SUPT7L: variants seen among roughly 807,000 people sequenced by gnomAD.
SUPT7L encodes the protein SPT7 like, STAGA complex subunit gamma, also known as STAGA complex 65 subunit gamma.
In SUPT7L, 15 loss-of-function variants were observed where a neutral mutation model predicts 35.7. The ratio of observed to expected loss-of-function variants is 0.42; its 90% CI spans 0.28 to 0.65. The LOEUF (loss-of-function observed/expected upper bound fraction) is 0.65, where lower values mean the gene tolerates loss of function less well. Among genes scored for constraint, SUPT7L ranks in the 30% least tolerant of loss-of-function variants. The pLI is 0.23. For synonymous variants in SUPT7L, 168 were observed against 186.2 expected, an observed-to-expected ratio of 0.90 and a Z score of 0.79; for missense variants, 434 against 522.2, an observed-to-expected ratio of 0.83 and a Z score of 1.65.
chr2:27,661,058 G>A lies in SUPT7L; in HGVS notation c.345C>T (p.Leu115=), dbSNP rs768557140. 1 of 1,614,158 alleles carries A rather than the reference G, an allele frequency of 6.2e-7. No individual in the cohort carries two copies. Among genetic ancestry groups the A allele is most frequent in the East Asian group, 2.2e-5 (1 of 44,892 alleles). ...TGGGATTCTTACAATCTAAAGGCAGGAGGTCATCAGGGAGAGGAGGTGACC... is the reference window on the plus strand; with the variant it reads ...TGGGATTCTTACAATCTAAAGGCAGAAGGTCATCAGGGAGAGGAGGTGACC... ...CPGSPPLPDD[L]LPLDCKNPNA... Residue 115 remains leucine (L), a synonymous_variant, in exon 3 of 6, where the codon CTC becomes CTT. Coordinates refer to ENST00000337768, the MANE Select transcript of SUPT7L (RefSeq NM_014860.3).
chr2:27,650,251 C>G (rs769466276), downstream of SUPT7L: 1 of 1,062,778 alleles, frequency 9.4e-7, no homozygotes, highest in South Asian at 1.3e-5. Context: ...TTTTGGACCT[C>G]CACGTGAAAG....
downstream of SUPT7L, among the ~76,000 whole-genome samples, chr2:27,649,253 A>C (rs1200759200): frequency 6.8e-6 from 1 of 147,338 alleles, no homozygotes; most frequent in East Asian, 2.0e-4. Flanking sequence ...CTCAAAAAAC[A>C]AACAAACAAA....
chr2:27,661,203 A>G lies in SUPT7L; in HGVS notation c.200T>C (p.Ile67Thr). 1 of 1,614,048 alleles carries G rather than the reference A, an allele frequency of 6.2e-7. No individual in the cohort carries two copies. Among genetic ancestry groups the G allele is most frequent in the African/African-American group, 1.3e-5 (1 of 75,018 alleles). ...SEPCSLTIHT[I>T]QLIQHNRRLR... ...ACGTCGGTTGTGCTGAATCAACTGA[A>G]TCGTATGGATGGTGAGACTACATGG... Residue 67 changes from isoleucine to threonine, a missense_variant, in exon 3 of 6, where the codon ATT becomes ACT. By Grantham distance (89) the Ile-to-Thr change is moderately conservative. Transcript: ENST00000337768.
At chr2:27,661,618 A>G (rs1230754376) in intron 2 of SUPT7L, 2 of 1,384,976 alleles carry the variant, frequency 1.4e-6, no homozygotes, top group Non-Finnish European at 1.9e-6. Context: ...AAATTAAGAG[A>G]AATGTAACTG....
At chr2:27,650,756 G>A (rs982752987), downstream of SUPT7L, 2 of 152,720 alleles carry the variant, frequency 1.3e-5, no homozygotes, top group Non-Finnish European at 2.9e-5. Flanking sequence ...ATTATAGGAC[G>A]TCAGGTTTGT....
At chr2:27,642,990 C>CACACACACACACAT in the SUPT7L span, among the ~76,000 whole-genome samples, 1 of 150,810 alleles carries the variant, frequency 6.6e-6, no homozygotes, top group Non-Finnish European at 1.5e-5. Context: ...CACACACACA[C>CACACACACACACAT]ACACATACAT....
rs767708201 is a variant in SUPT7L, at chr2:27,650,983, A to C, written c.*2502T>G. 5.2e-5 allele frequency: 8 copies of C among 152,528 alleles called. No individual in the cohort carries two copies. Among genetic ancestry groups the C allele is most frequent in the African/African-American group, 1.4e-4 (6 of 41,442 alleles). 9.4% of individuals were successfully genotyped at this position (152,528 alleles called of 1,614,324 possible). ...CAATAAGGAGGTGATATTTTACTAAAGTTTCCCACGTGCACATACTGACTA... is the reference window on the plus strand; with the variant it reads ...CAATAAGGAGGTGATATTTTACTAACGTTTCCCACGTGCACATACTGACTA... On this transcript the variant is annotated 3_prime_UTR_variant, in exon 6 of 6. Transcript: ENST00000337768.
downstream of SUPT7L, among the ~76,000 whole-genome samples, chr2:27,647,622 G>A (rs1436499196): frequency 6.6e-6 from 1 of 152,172 alleles, no homozygotes; most frequent in Non-Finnish European, 1.5e-5. Flanking sequence ...AAAAAAATGG[G>A]ACTCCTAGGG....
chr2:27,660,906 G>A, intron 3 of SUPT7L, 78 bp downstream of exon 3: 2 of 1,468,712 alleles, frequency 1.4e-6, no homozygotes, highest in South Asian at 2.8e-5. Context: ...CATGAAAATG[G>A]AAATGCTATT....
intron 5 of SUPT7L, 101 bp from the exon 6 acceptor site, chr2:27,653,848 A>G: frequency 2.8e-6 from 4 of 1,436,048 alleles, no homozygotes; most frequent in Non-Finnish European, 3.8e-6. Flanking sequence ...ATATGCTTTG[A>G]GCTCAGTTTT....
At chr2:27,662,094 C>A (rs1006852411) in intron 2 of SUPT7L, 85 bp downstream of exon 2, 32 of 1,592,510 alleles carry the variant, frequency 2.0e-5, no homozygotes, top group Non-Finnish European at 2.6e-5. Context: ...AAACTTAAAT[C>A]AAATGGCTTC....
chr2:27,653,812 G>A, intron 5 of SUPT7L, 65 bp from the exon 6 acceptor site: 1 of 1,590,124 alleles, frequency 6.3e-7, no homozygotes, highest in Non-Finnish European at 8.6e-7. Flanking sequence ...AGAACAAAGA[G>A]TAAATATATC....
Position 27,653,002 on chromosome 2 carries a change from A to G in SUPT7L, c.*483T>C, listed in dbSNP as rs1674628384. 1 of 161,866 alleles carries G rather than the reference A, an allele frequency of 6.2e-6. No individual in the cohort carries two copies. Among genetic ancestry groups the G allele is most frequent in the Non-Finnish European group, 1.4e-5 (1 of 73,148 alleles). The allele number at this position is 161,866 out of a possible 1,614,324, so 10.0% of individuals were successfully genotyped here. On this transcript the variant is annotated 3_prime_UTR_variant, in exon 6 of 6. Coordinates refer to ENST00000337768, the MANE Select transcript of SUPT7L (RefSeq NM_014860.3). ...TGTGTTTAGCTATTTCCTGTTAGGT[A>G]TTAGTAATGGGTTCCCAATGACCTG...
At chr2:27,653,924 CCA>C (rs949759798) in intron 5 of SUPT7L, among the ~76,000 whole-genome samples, 177 bp from the exon 6 acceptor site, 2 of 152,148 alleles carry the variant, frequency 1.3e-5, no homozygotes, top group Non-Finnish European at 2.9e-5. Context: ...GTTAACCATC[CCA>C]AAAAATTACC....
At chr2:27,658,123 C>G (rs75518321) in intron 3 of SUPT7L, among the ~76,000 whole-genome samples, 8,697 of 152,142 alleles carry the variant, frequency 0.057, 686 homozygotes, top group African/African-American at 0.18. Context: ...CTTCACAGTT[C>G]CCAGGAGTTT....
chr2:27,648,166 G>C (rs1482041339), downstream of SUPT7L, among the ~76,000 whole-genome samples: 1 of 152,112 alleles, frequency 6.6e-6, no homozygotes, highest in Non-Finnish European at 1.5e-5. Flanking sequence ...TTATCTTTAG[G>C]TCCTAACTTG....
the SUPT7L span, among the ~76,000 whole-genome samples, chr2:27,643,316 ACTTTATT>A: frequency 2.6e-5 from 4 of 151,838 alleles, no homozygotes; most frequent in Admixed American, 1.3e-4. This position sits in a 1 kb window ranked among gnomAD's most constrained non-coding sequence, Gnocchi z 4.0. Flanking sequence ...TACCATGTTT[ACTTTATT>A]CTTTATCTAT....
intron 3 of SUPT7L, among the ~76,000 whole-genome samples, chr2:27,659,378 C>T (rs186472804): frequency 6.6e-5 from 10 of 152,252 alleles, no homozygotes; most frequent in African/African-American, 2.2e-4. Context: ...TATAATATCA[C>T]TTCTGTAGTA....
chr2:27,646,110 C>T (rs965816589), downstream of SUPT7L, among the ~76,000 whole-genome samples: 2 of 151,572 alleles, frequency 1.3e-5, no homozygotes, highest in South Asian at 2.1e-4. Flanking sequence ...GGCGCGATCT[C>T]GGCTCACTGC....
Sources: allele counts gnomAD v4.1 joint callset (sites outside exome capture counted in the v4.1 genomes callset), GRCh38; gene constraint gnomAD v4.1.1; non-coding constraint Gnocchi (gnomAD v3.1); transcripts MANE v1.5; gene names NCBI Gene and HGNC (gene_info 2026-07-23, HGNC 2026-07-21).